The following RUNX2 variants were observed in gnomAD, a reference collection of about 807,000 sequenced individuals.
The protein encoded by RUNX2 is RUNX family transcription factor 2.
Under a neutral mutation model 51.7 loss-of-function variants are expected in RUNX2, and 10 were observed. That is an observed-to-expected ratio of 0.19 (90% CI 0.12 to 0.33). The LOEUF (loss-of-function observed/expected upper bound fraction) is 0.33, where lower values mean the gene tolerates loss of function less well. Ranked by LOEUF, RUNX2 falls within the 10% of genes least tolerant of loss-of-function variation. RUNX2 has a pLI of 1.00. For synonymous variants in RUNX2, 276 were observed against 273.6 expected (o/e 1.01, Z -0.09); for missense variants, 562 against 691.3 (o/e 0.81, Z 2.10).
At chr6:45,526,509 T>C (rs1156320478) in intron 7 of RUNX2, among the ~76,000 whole-genome samples, 2 of 152,188 alleles carry the variant, frequency 1.3e-5, no homozygotes, top group Non-Finnish European at 2.9e-5. Flanking sequence ...TTAAAGAAAT[T>C]AGATCTATTT....
chr6:45,480,999 C>T (rs546833328), intron 5 of RUNX2, among the ~76,000 whole-genome samples: 82 of 152,278 alleles, frequency 5.4e-4, no homozygotes, highest in Non-Finnish European at 1.0e-3. Flanking sequence ...GAATGATGTT[C>T]TGCTGCTGCA....
chr6:45,461,080 G>A (rs546013223), intron 5 of RUNX2, among the ~76,000 whole-genome samples: 2 of 152,340 alleles, frequency 1.3e-5, no homozygotes, highest in African/African-American at 4.8e-5. Context: ...AAAGACCAGG[G>A]AATGTGAAGA....
At chr6:45,342,886 A>T (rs1790099441) in intron 2 of RUNX2, among the ~76,000 whole-genome samples, 2 of 152,214 alleles carry the variant, frequency 1.3e-5, no homozygotes, top group African/African-American at 4.8e-5. Context: ...AAGTATTCTC[A>T]TGAAAACCAT....
At chr6:45,503,154 T>G (rs1280558311) in intron 6 of RUNX2, among the ~76,000 whole-genome samples, 3 of 152,174 alleles carry the variant, frequency 2.0e-5, no homozygotes, top group Admixed American at 1.3e-4. Flanking sequence ...TATGGTACCA[T>G]GAACATCTCT....
chr6:45,512,333 A>G lies in RUNX2; in HGVS notation c.947A>G (p.His316Arg). 3 of 1,613,838 alleles carry G rather than the reference A, an allele frequency of 1.9e-6. No homozygotes were observed. In the Admixed American group the frequency reaches 5.0e-5, roughly 27 times the overall value. ...YLSQMTSPSI[H>R]STTPLSSTRG... ...AGCCAGATGACGTCCCCGTCCATCC[A>G]CTCTACCACCCCGCTGTCTTCCACA... is the stretch of plus-strand genomic sequence containing the variant. The change falls in exon 7 of 9, where the codon CAC becomes CGC. Residue 316 changes from histidine (H) to arginine (R), a missense_variant. Coordinates refer to ENST00000647337, the MANE Select transcript of RUNX2 (RefSeq NM_001024630.4).
intron 5 of RUNX2, among the ~76,000 whole-genome samples, chr6:45,483,322 T>C (rs2150401312): frequency 6.6e-6 from 1 of 151,732 alleles, no homozygotes; most frequent in Admixed American, 6.6e-5. Flanking sequence ...TCATCAATTT[T>C]ACTGTGGGAA....
intron 2 of RUNX2, among the ~76,000 whole-genome samples, chr6:45,331,394 A>G (rs1787479263): frequency 6.6e-6 from 1 of 151,974 alleles, no homozygotes; most frequent in Non-Finnish European, 1.5e-5. Flanking sequence ...GATTTCCAAA[A>G]CAGCAATTGT....
At chr6:45,531,313 A>T (rs1444528721) in intron 7 of RUNX2, among the ~76,000 whole-genome samples, 1 of 152,222 alleles carries the variant, frequency 6.6e-6, no homozygotes. Flanking sequence ...GCCAAAATTC[A>T]TGGTTTGATG....
chr6:45,337,377 A>T (rs1239712788), intron 2 of RUNX2, among the ~76,000 whole-genome samples: 2 of 151,622 alleles, frequency 1.3e-5, no homozygotes, highest in Non-Finnish European at 3.0e-5. Flanking sequence ...GCATTCGAAG[A>T]AAAAAAAGCT....
chr6:45,510,748 AAT>A (rs924311542), intron 6 of RUNX2, among the ~76,000 whole-genome samples: 12 of 151,136 alleles, frequency 7.9e-5, no homozygotes, highest in Admixed American at 7.9e-4. Flanking sequence ...TTTTTTTTTT[AAT>A]ATATATATGT....
intron 2 of RUNX2, among the ~76,000 whole-genome samples, chr6:45,383,100 C>G (rs914497055): frequency 1.3e-5 from 2 of 152,136 alleles, no homozygotes; most frequent in African/African-American, 4.8e-5. Flanking sequence ...CATAATTAAG[C>G]ATGATGTTTG....
chr6:45,487,069 T>G (rs1800305301), intron 5 of RUNX2, among the ~76,000 whole-genome samples: 1 of 152,226 alleles, frequency 6.6e-6, no homozygotes, highest in African/African-American at 2.4e-5. Flanking sequence ...TTGATTATGC[T>G]TTCTTCTTGT....
intron 2 of RUNX2, among the ~76,000 whole-genome samples, chr6:45,342,153 G>C (rs975462881): frequency 1.3e-5 from 2 of 152,120 alleles, no homozygotes; most frequent in Non-Finnish European, 2.9e-5. Flanking sequence ...TGGTGCCAAT[G>C]ATCATGAGGA....
chr6:45,438,843 A>G (rs1180934314), intron 5 of RUNX2, among the ~76,000 whole-genome samples: 1 of 152,162 alleles, frequency 6.6e-6, no homozygotes, highest in African/African-American at 2.4e-5. Flanking sequence ...ATTAAAGATT[A>G]TTTGATATAT....
rs1465808779 is a variant in RUNX2 at position 45,547,336 on chromosome 6, G to C, written c.*31G>C. 3 of 1,512,322 alleles carry C rather than the reference G, an allele frequency of 2.0e-6. No homozygotes were observed. The South Asian group carries it at 3.4e-5, about 17-fold the overall frequency. 93.7% of individuals were successfully genotyped at this position (1,512,322 alleles called of 1,614,324 possible). A position where few individuals can be genotyped will look rare whatever the true frequency, so the allele number is the denominator to read the frequency against. On this transcript the variant is annotated 3_prime_UTR_variant, in exon 9 of 9. Coordinates refer to ENST00000647337, the MANE Select transcript of RUNX2 (RefSeq NM_001024630.4). ...CTCAGCAGTGGCCCAGTGGTATCTGGGGGCCACATCCCACACGTATCAATA... is the reference window on the plus strand; with the variant it reads ...CTCAGCAGTGGCCCAGTGGTATCTGCGGGCCACATCCCACACGTATCAATA...
chr6:45,417,245 T>C (rs1331096643), intron 2 of RUNX2, among the ~76,000 whole-genome samples: 8 of 152,164 alleles, frequency 5.3e-5, no homozygotes, highest in Admixed American at 4.6e-4. Flanking sequence ...ACTAAAACCT[T>C]ACCTATTTTT....
intron 5 of RUNX2, among the ~76,000 whole-genome samples, chr6:45,441,283 G>A (rs1798835099): frequency 6.6e-6 from 1 of 152,134 alleles, no homozygotes; most frequent in African/African-American, 2.4e-5. Context: ...CCTGCTTCTG[G>A]TAGCTCAGCT....
At chr6:45,513,836 G>A (rs1801237756) in intron 7 of RUNX2, among the ~76,000 whole-genome samples, 1 of 152,144 alleles carries the variant, frequency 6.6e-6, no homozygotes, top group Admixed American at 6.5e-5. Context: ...TCGCCTTCAG[G>A]CAAACATTAA....
rs191384229 is a variant in RUNX2 at position 45,437,156 on chromosome 6, G to A, written c.581-791G>A. On this transcript the variant is annotated intron_variant, in intron 4 of 8. Coordinates refer to ENST00000647337, the MANE Select transcript of RUNX2 (RefSeq NM_001024630.4). ...CCTGTCTCTTTTCCCCTTCTTATTCGTCGCTTTTAGCTCATTAATTTGAAG... is the reference window on the plus strand; with the variant it reads ...CCTGTCTCTTTTCCCCTTCTTATTCATCGCTTTTAGCTCATTAATTTGAAG... 6.6e-5 allele frequency among the ~76,000 whole-genome samples: 10 copies of A among 152,242 alleles called. No individual in the cohort carries two copies. The East Asian group carries it at 1.5e-3, about 23-fold the overall frequency.
Sources: allele counts gnomAD v4.1 joint callset (sites outside exome capture counted in the v4.1 genomes callset), GRCh38; gene constraint gnomAD v4.1.1; transcripts MANE v1.5; gene names NCBI Gene and HGNC (gene_info 2026-07-23, HGNC 2026-07-21).